The following ARHGEF10 variants were observed in gnomAD, a reference collection of about 807,000 sequenced individuals.
ARHGEF10 encodes the protein Rho guanine nucleotide exchange factor 10, also known as Rho guanine nucleotide exchange factor (GEF) 10.
A neutral mutation model predicts 147.4 loss-of-function variants in ARHGEF10; 140 were observed. That is an observed-to-expected ratio of 0.95 (90% CI 0.83 to 1.09). ARHGEF10 has a LOEUF of 1.09. Among genes scored for constraint, ARHGEF10 ranks in the 50% least tolerant of loss-of-function variants. The probability of loss-of-function intolerance (pLI) is 0.00; values close to 1 mark genes in which losing one functional copy is unlikely to be tolerated. For synonymous variants in ARHGEF10, 902 were observed against 695.8 expected (o/e 1.30, Z -4.67); for missense variants, 2,222 against 1,752.7 (o/e 1.27, Z -4.78).
intron 7 of ARHGEF10, chr8:1,869,603 T>C (rs1004527056): frequency 3.6e-5 from 14 of 390,178 alleles, no homozygotes; most frequent in African/African-American, 2.4e-4. Flanking sequence ...GCAAAGGTAA[T>C]AGTCAAAGAA....
At chr8:1,860,368 G>A (rs60543999) in intron 4 of ARHGEF10, among the ~76,000 whole-genome samples, 184 bp downstream of exon 4, 63 of 143,154 alleles carry the variant, frequency 4.4e-4, no homozygotes, top group African/African-American at 1.4e-3. Context: ...CTGTGGTTCC[G>A]TAGAGTCCGG....
At chr8:1,906,023 C>G (rs758276018) in intron 17 of ARHGEF10, among the ~76,000 whole-genome samples, 2 of 152,102 alleles carry the variant, frequency 1.3e-5, no homozygotes, top group Non-Finnish European at 2.9e-5. Context: ...AGTTCTTTTT[C>G]TTATGGTTTA....
chr8:1,850,158 G>A (rs868309876), intron 2 of ARHGEF10, among the ~76,000 whole-genome samples: 2,195 of 40,360 alleles, frequency 0.054, 350 homozygotes, highest in African/African-American at 0.14. Flanking sequence ...GGGCGGCCAC[G>A]TGGACACAGA....
chr8:1,902,807 C>T (rs73542973), intron 15 of ARHGEF10, among the ~76,000 whole-genome samples: 1 of 152,170 alleles, frequency 6.6e-6, no homozygotes, highest in Non-Finnish European at 1.5e-5. Context: ...TCCTTTGTCA[C>T]TGTGAGAGAG....
chr8:1,872,142 TAA>T (rs1215355231), intron 7 of ARHGEF10, among the ~76,000 whole-genome samples: 9 of 152,110 alleles, frequency 5.9e-5, no homozygotes, highest in East Asian at 3.9e-4. Context: ...GTAAAAATCA[TAA>T]GAGGATGCTA....
chr8:1,894,030 C>G (rs1471862734), intron 12 of ARHGEF10, among the ~76,000 whole-genome samples: 2 of 151,820 alleles, frequency 1.3e-5, no homozygotes, highest in Non-Finnish European at 2.9e-5. Flanking sequence ...AAATATTAGC[C>G]GGGTGTGGCG....
intron 6 of ARHGEF10, 142 bp from the exon 7 acceptor site, chr8:1,869,052 G>C: frequency 1.3e-6 from 1 of 759,294 alleles, no homozygotes; most frequent in Non-Finnish European, 2.3e-6. Flanking sequence ...GAACGAAAAA[G>C]TAAAAAATAA....
chr8:1,934,729 T>C (rs1208197511), intron 26 of ARHGEF10, among the ~76,000 whole-genome samples: 1 of 152,162 alleles, frequency 6.6e-6, no homozygotes, highest in East Asian at 1.9e-4. Context: ...GACGAAACTA[T>C]AAACCTCTAA....
intron 2 of ARHGEF10, among the ~76,000 whole-genome samples, chr8:1,846,923 T>A (rs868355903): frequency 5.3e-5 from 8 of 152,178 alleles, no homozygotes; most frequent in South Asian, 2.1e-4. Flanking sequence ...CGTTAACATT[T>A]GTGTTTGTGA....
chr8:1,905,484 C>T (rs1039516682), intron 16 of ARHGEF10, 87 bp from the exon 17 acceptor site: 2 of 1,557,080 alleles, frequency 1.3e-6, no homozygotes, highest in African/African-American at 1.4e-5. Flanking sequence ...AAAAGTCACC[C>T]TGAGACTCCA....
chr8:1,823,765 A>G (rs1264188910), upstream of ARHGEF10, among the ~76,000 whole-genome samples: 3 of 150,562 alleles, frequency 2.0e-5, no homozygotes, highest in Admixed American at 2.0e-4. Context: ...GGCGTTGGGC[A>G]GCGGGAGGGG....
At position 1,921,722 on chromosome 8, in the gene ARHGEF10, C is replaced by T. The variant is rs138163814; in HGVS notation, c.2144-1242C>T. ...CGCACTGCAGCCTGGGGGACAAGAGCGACACTTCGTCTCAAAAAAAAAGAA... is the reference window on the plus strand; with the variant it reads ...CGCACTGCAGCCTGGGGGACAAGAGTGACACTTCGTCTCAAAAAAAAAGAA... On this transcript the variant is annotated intron_variant, in intron 18 of 28. Coordinates refer to ENST00000349830, the MANE Select transcript of ARHGEF10 (RefSeq NM_014629.4). 5.1e-4 allele frequency among the ~76,000 whole-genome samples: 73 copies of T among 144,358 alleles called. 2 individuals carry two copies. In the East Asian group the frequency reaches 7.9e-3, roughly 16 times the overall value. The allele number at this position is 144,358 out of a possible 152,430, so 94.7% of individuals were successfully genotyped here. A position where few individuals can be genotyped will look rare whatever the true frequency, so the allele number is the denominator to read the frequency against.
At chr8:1,884,916 A>C (rs28547001) in intron 10 of ARHGEF10, among the ~76,000 whole-genome samples, 51,460 of 151,886 alleles carry the variant, frequency 0.34, 9,013 homozygotes, top group East Asian at 0.49. Context: ...AGGTGCTCAC[A>C]ACCATGCCTG....
rs199696912 is a variant in ARHGEF10, at chr8:1,955,646, G to A, written c.3521-1103G>A. The stretch of plus-strand genomic sequence containing the variant: ...AGCGAGGTGCTTCCTGAAAGGAGGT[G>A]CACTCTCACTGTTTCTCTGGATGGG... On this transcript the variant is annotated intron_variant, in intron 28 of 28. Transcript: ENST00000349830. Among the ~76,000 whole-genome samples, 11 of 152,120 alleles carry A rather than the reference G, an allele frequency of 7.2e-5. No homozygotes were observed. In the East Asian group the frequency reaches 2.1e-3, roughly 29 times the overall value.
chr8:1,954,309 G>C (rs542374602), intron 28 of ARHGEF10, among the ~76,000 whole-genome samples: 1 of 152,022 alleles, frequency 6.6e-6, no homozygotes, highest in Admixed American at 6.6e-5. Context: ...GGCCAGGCTG[G>C]TCTCGAACTC....
At chr8:1,952,613 G>C (rs183131285) in intron 27 of ARHGEF10, 92 bp from the exon 28 acceptor site, 1 of 1,549,172 alleles carries the variant, frequency 6.5e-7, no homozygotes, top group Non-Finnish European at 8.8e-7. Flanking sequence ...GTGGTGGCAC[G>C]ACAGGCCTGT....
At chr8:1,839,294 TACTGTCCGGTGTGGGG>T (rs1803796298) in intron 1 of ARHGEF10, among the ~76,000 whole-genome samples, 1 of 63,898 alleles carries the variant, frequency 1.6e-5, no homozygotes, top group Non-Finnish European at 3.1e-5. Flanking sequence ...CTGGTGTGGG[TACTGTCCGGTGTGGGG>T]ACTGTCTGGT....
At chr8:1,889,985 TGATGTGA>T (rs1809319881) in intron 11 of ARHGEF10, among the ~76,000 whole-genome samples, 1 of 125,910 alleles carries the variant, frequency 7.9e-6, no homozygotes, top group African/African-American at 3.3e-5. Context: ...AGACACTGAG[TGATGTGA>T]GCAATCTGTG....
intron 7 of ARHGEF10, among the ~76,000 whole-genome samples, chr8:1,871,939 A>G (rs1266487933): frequency 6.6e-6 from 1 of 152,224 alleles, no homozygotes. Context: ...AAAATGATGA[A>G]ATAAAAATCC....
Sources: gnomAD v4.1 joint callset for allele counts (sites outside exome capture counted in the v4.1 genomes callset) on GRCh38, gnomAD v4.1.1 for gene constraint, MANE v1.5 for transcripts, NCBI Gene and HGNC (gene_info 2026-07-23, HGNC 2026-07-21) for gene names.